The following DOCK1 variants were observed in gnomAD, a reference collection of about 807,000 sequenced individuals.
The protein encoded by DOCK1 is dedicator of cytokinesis protein 1.
In DOCK1, 138 loss-of-function variants were observed where a neutral mutation model predicts 262.7. The observed-to-expected ratio is 0.53, with a 90% CI of 0.46 to 0.61. The LOEUF is 0.61. Among genes scored for constraint, DOCK1 ranks in the 20% least tolerant of loss-of-function variants. DOCK1 has a pLI of 0.00. For synonymous variants in DOCK1, 866 were observed against 867.4 expected, an observed-to-expected ratio of 1.00 and a Z score of 0.03; for missense variants, 1,908 against 2,370.7, an observed-to-expected ratio of 0.80 and a Z score of 4.05.
At chr10:126,979,554 G>T (rs953503906) in intron 3 of DOCK1, among the ~76,000 whole-genome samples, 2 of 151,972 alleles carry the variant, frequency 1.3e-5, no homozygotes, top group Admixed American at 1.3e-4. Context: ...ATCTTACTTG[G>T]TATTTGTTAT....
chr10:127,155,215 G>A (rs566189403), intron 27 of DOCK1, among the ~76,000 whole-genome samples: 6 of 152,026 alleles, frequency 3.9e-5, no homozygotes, highest in Non-Finnish European at 7.3e-5. Context: ...TGCATCATGG[G>A]TTTTAAATTG....
chr10:126,987,412 C>A, intron 4 of DOCK1, 109 bp from the exon 5 acceptor site: 1 of 761,208 alleles, frequency 1.3e-6, no homozygotes, highest in Non-Finnish European at 2.1e-6. Flanking sequence ...ATTTTCTTCC[C>A]ATTTGCTTAA....
At chr10:127,099,446 G>A (rs905130807) in intron 23 of DOCK1, among the ~76,000 whole-genome samples, 1 of 152,148 alleles carries the variant, frequency 6.6e-6, no homozygotes, top group Admixed American at 6.6e-5. Context: ...GTAACTTATA[G>A]AGAAAAGAGG....
intron 31 of DOCK1, among the ~76,000 whole-genome samples, chr10:127,347,844 CTTCCCT>C (rs2063708675): frequency 1.9e-5 from 1 of 51,286 alleles, no homozygotes; most frequent in African/African-American, 9.4e-5. Context: ...CTTCCCTTCC[CTTCCCT>C]TCCCTTCCCT....
chr10:127,359,881 A>G (rs2064327902), intron 32 of DOCK1, among the ~76,000 whole-genome samples: 1 of 152,236 alleles, frequency 6.6e-6, no homozygotes, highest in Non-Finnish European at 1.5e-5. Context: ...AGAAATATTA[A>G]TAAGATTGGT....
intron 9 of DOCK1, 94 bp downstream of exon 9, chr10:126,999,529 G>C: frequency 9.7e-7 from 1 of 1,027,372 alleles, no homozygotes; most frequent in South Asian, 1.4e-5. Flanking sequence ...ACTAGAACAT[G>C]GGTCCCTGGG....
rs1026714635 is a variant in DOCK1 at position 127,023,410 on chromosome 10, G to A, written c.1452+86G>A. 3.4e-5 allele frequency: 52 copies of A among 1,545,236 alleles called. No individual in the cohort carries two copies. In the African/African-American group the frequency reaches 4.5e-4, roughly 13 times the overall value. On this transcript the variant is annotated intron_variant, in intron 14 of 51. Transcript: ENST00000623213. ...TTGGCTCTGCTACAGCATAGATGTC[G>A]TCAGGGTGGGGCTTTGGAGTCCCGT...
At chr10:127,191,663 A>G (rs964898603) in intron 27 of DOCK1, among the ~76,000 whole-genome samples, 2 of 152,228 alleles carry the variant, frequency 1.3e-5, no homozygotes, top group Admixed American at 1.3e-4. Context: ...TCACATCACC[A>G]GTGGAATGAC....
At chr10:126,976,055 G>A (rs1022091543) in intron 2 of DOCK1, among the ~76,000 whole-genome samples, 2 of 152,154 alleles carry the variant, frequency 1.3e-5, no homozygotes, top group Non-Finnish European at 2.9e-5. Context: ...GACTATAATA[G>A]GATAAAGGAC....
intron 4 of DOCK1, among the ~76,000 whole-genome samples, chr10:126,987,066 C>T (rs951239538): frequency 8.5e-5 from 13 of 152,124 alleles, no homozygotes; most frequent in African/African-American, 3.1e-4. Context: ...TAACTGCTTC[C>T]TGTATTATCA....
chr10:127,059,632 T>G (rs1207781360), intron 22 of DOCK1, among the ~76,000 whole-genome samples: 1 of 152,192 alleles, frequency 6.6e-6, no homozygotes, highest in Non-Finnish European at 1.5e-5. Flanking sequence ...GTTTTAGAAT[T>G]TCCAGTTGAT....
intron 1 of DOCK1, among the ~76,000 whole-genome samples, chr10:126,910,028 G>A (rs546740127): frequency 6.6e-6 from 1 of 152,324 alleles, no homozygotes; most frequent in Non-Finnish European, 1.5e-5. Context: ...GCTAGGAATA[G>A]TGTGATATCC....
chr10:127,093,235 C>CTTTCTTTG (rs1564797668), intron 23 of DOCK1, among the ~76,000 whole-genome samples: 1 of 113,764 alleles, frequency 8.8e-6, no homozygotes, highest in African/African-American at 4.3e-5. Flanking sequence ...TTCTTTCTTT[C>CTTTCTTTG]TTTCTTCTTT....
At chr10:127,003,452 G>A (rs907595318) in intron 10 of DOCK1, among the ~76,000 whole-genome samples, 2 of 152,240 alleles carry the variant, frequency 1.3e-5, no homozygotes, top group Non-Finnish European at 2.9e-5. Context: ...AGCTGTTAAT[G>A]TTGGGTTGCC....
chr10:127,161,261 G>A (rs912971062), intron 27 of DOCK1, among the ~76,000 whole-genome samples: 6 of 152,148 alleles, frequency 3.9e-5, no homozygotes, highest in Non-Finnish European at 7.3e-5. Flanking sequence ...TAGAATTTGA[G>A]GGAACAGCCA....
chr10:126,955,490 C>A (rs1261901594), intron 1 of DOCK1, among the ~76,000 whole-genome samples: 1 of 152,158 alleles, frequency 6.6e-6, no homozygotes, highest in African/African-American at 2.4e-5. Context: ...TGTAGCCAGT[C>A]CTGCTGGGAA....
intron 38 of DOCK1, among the ~76,000 whole-genome samples, chr10:127,392,763 C>CG (rs1565053565): frequency 6.6e-6 from 1 of 152,100 alleles, no homozygotes; most frequent in Non-Finnish European, 1.5e-5. Flanking sequence ...AGCGCCGGGT[C>CG]GGGGGCAGAT....
intron 28 of DOCK1, among the ~76,000 whole-genome samples, chr10:127,252,560 T>C (rs1399660759): frequency 1.3e-5 from 2 of 149,614 alleles, no homozygotes; most frequent in Non-Finnish European, 3.0e-5. Context: ...AATTAATTTT[T>C]GTATAAGGTG....
At chr10:127,293,388 C>A (rs1217022691) in intron 29 of DOCK1, among the ~76,000 whole-genome samples, 1 of 152,214 alleles carries the variant, frequency 6.6e-6, no homozygotes, top group Non-Finnish European at 1.5e-5. Flanking sequence ...CCTCTCCTTA[C>A]CTGTGGCTGG....
Sources: gnomAD v4.1 joint callset for allele counts (sites outside exome capture counted in the v4.1 genomes callset) on GRCh38, gnomAD v4.1.1 for gene constraint, MANE v1.5 for transcripts, NCBI Gene and HGNC (gene_info 2026-07-23, HGNC 2026-07-21) for gene names.